Variants in ENOX1 observed in about 807,000 individuals in gnomAD.
The protein encoded by ENOX1 is candidate growth-related and time keeping constitutive hydroquinone (NADH) oxidase.
In ENOX1, 42 loss-of-function variants were observed where a neutral mutation model predicts 82.5. The ratio of observed to expected loss-of-function variants is 0.51; its 90% CI spans 0.40 to 0.66. ENOX1 has a LOEUF of 0.66. Ranked by LOEUF, ENOX1 falls within the 30% of genes least tolerant of loss-of-function variation. The pLI, the probability that ENOX1 is intolerant of heterozygous loss-of-function variation, is 0.00. For synonymous variants in ENOX1, 271 were observed against 282.2 expected, an observed-to-expected ratio of 0.96 and a Z score of 0.40; for missense variants, 608 against 811.6, an observed-to-expected ratio of 0.75 and a Z score of 3.05.
intron 14 of ENOX1, among the ~76,000 whole-genome samples, chr13:43,247,272 C>T (rs1049078533): frequency 6.6e-6 from 1 of 152,162 alleles, no homozygotes; most frequent in Non-Finnish European, 1.5e-5. Flanking sequence ...GAGATCACAC[C>T]ACTGCACTCC....
intron 1 of ENOX1, among the ~76,000 whole-genome samples, chr13:43,702,953 CAAAAAAAAAAA>C (rs60810191): frequency 3.2e-3 from 163 of 51,034 alleles, no homozygotes; most frequent in Non-Finnish European, 3.9e-3. Flanking sequence ...GACTCTGTCT[CAAAAAAAAAAA>C]AAAAAAAAAA....
rs2041276562 is a variant in ENOX1 at position 43,213,442 on chromosome 13, A to G, written c.*548T>C. On this transcript the variant is annotated 3_prime_UTR_variant, in exon 17 of 17. Transcript: ENST00000690772. ...CCTGGAACAGCATATAACTTAATTT[A>G]CAAAATACAATAACTGTTTAGACAC... is the stretch of plus-strand genomic sequence containing the variant. 1 of 151,976 alleles carries G rather than the reference A, an allele frequency of 6.6e-6. No homozygotes were observed. The highest frequency in any genetic ancestry group is 1.5e-5 in the Non-Finnish European group (1 of 68,006). 9.4% of individuals were successfully genotyped at this position (151,976 alleles called of 1,614,324 possible). A position where few individuals can be genotyped will look rare whatever the true frequency, so the allele number is the denominator to read the frequency against.
intron 4 of ENOX1, 72 bp downstream of exon 4, chr13:43,412,773 G>C: frequency 6.3e-7 from 1 of 1,579,940 alleles, no homozygotes; most frequent in South Asian, 1.1e-5. Context: ...TATTTTTCAA[G>C]GTGGGGCAAG....
chr13:43,713,114 T>C (rs2087850229), intron 1 of ENOX1, among the ~76,000 whole-genome samples: 2 of 152,226 alleles, frequency 1.3e-5, no homozygotes, highest in Non-Finnish European at 2.9e-5. Flanking sequence ...TGAGAGTTTT[T>C]AGCATGAAGG....
Position 43,349,258 on chromosome 13 carries a change from C to T in ENOX1, c.824-4508G>A, listed in dbSNP as rs117557368. ...AGGCTTCAGAAGTCATTATCACTGG[C>T]AATGAAAGTTAAGAGTGATGTCAGA... On this transcript the variant is annotated intron_variant, in intron 8 of 16. Transcript: ENST00000690772. Among the ~76,000 whole-genome samples the T allele has an allele frequency of 7.9e-3, 1,209 of 152,254 alleles. 10 individuals are homozygous for T. The highest frequency in any genetic ancestry group is 0.01 in the Non-Finnish European group (689 of 68,018).
chr13:43,747,487 C>T (rs1950087695), intron 1 of ENOX1, among the ~76,000 whole-genome samples: 1 of 152,204 alleles, frequency 6.6e-6, no homozygotes, highest in Non-Finnish European at 1.5e-5. Flanking sequence ...AAGTTTATGT[C>T]TGGACCTGTT....
At chr13:43,318,707 C>T (rs994297993) in intron 11 of ENOX1, among the ~76,000 whole-genome samples, 3 of 152,178 alleles carry the variant, frequency 2.0e-5, no homozygotes, top group South Asian at 2.1e-4. Flanking sequence ...TTATTGATTA[C>T]GTACTTGGGG....
chr13:43,682,620 A>T (rs2085849732), intron 1 of ENOX1, among the ~76,000 whole-genome samples: 1 of 152,184 alleles, frequency 6.6e-6, no homozygotes, highest in Non-Finnish European at 1.5e-5. Flanking sequence ...ATTACAAAAA[A>T]AATTGCAAAA....
intron 2 of ENOX1, among the ~76,000 whole-genome samples, chr13:43,501,587 T>C (rs182796924): frequency 6.6e-6 from 1 of 151,100 alleles, no homozygotes; most frequent in East Asian, 1.9e-4. Context: ...TCAAACACAA[T>C]ATCAATAACA....
chr13:43,263,567 G>A (rs919332792), intron 14 of ENOX1, among the ~76,000 whole-genome samples: 1 of 152,226 alleles, frequency 6.6e-6, no homozygotes, highest in African/African-American at 2.4e-5. Context: ...GCTAGATACT[G>A]TGTTAGGCCT....
intron 2 of ENOX1, among the ~76,000 whole-genome samples, chr13:43,613,205 T>C (rs1409291514): frequency 1.3e-5 from 2 of 152,174 alleles, no homozygotes; most frequent in African/African-American, 4.8e-5. Context: ...TCTTCAAAAG[T>C]TCATCATATT....
At chr13:43,594,367 T>A (rs1341135318) in intron 2 of ENOX1, among the ~76,000 whole-genome samples, 1 of 152,212 alleles carries the variant, frequency 6.6e-6, no homozygotes, top group African/African-American at 2.4e-5. Flanking sequence ...CAAAATAGTA[T>A]CTTCATATAA....
chr13:43,715,914 C>T (rs2088091156), intron 1 of ENOX1, among the ~76,000 whole-genome samples: 1 of 152,030 alleles, frequency 6.6e-6, no homozygotes, highest in African/African-American at 2.4e-5. Context: ...CCATCAGCTC[C>T]TTTAAGGACT....
intron 5 of ENOX1, among the ~76,000 whole-genome samples, chr13:43,380,586 T>TA (rs1168630135): frequency 2.0e-5 from 3 of 151,654 alleles, no homozygotes; most frequent in Non-Finnish European, 4.4e-5. Flanking sequence ...ATAAACAGTC[T>TA]AAATAAATAT....
chr13:43,601,145 T>C (rs1348844737), intron 2 of ENOX1, among the ~76,000 whole-genome samples: 1 of 151,996 alleles, frequency 6.6e-6, no homozygotes, highest in Non-Finnish European at 1.5e-5. Context: ...CCCACAAGCA[T>C]TAAGACCATC....
chr13:43,542,281 A>G (rs1056426287), intron 2 of ENOX1, among the ~76,000 whole-genome samples: 2 of 151,928 alleles, frequency 1.3e-5, no homozygotes, highest in Non-Finnish European at 2.9e-5. Flanking sequence ...CTGGGGCTAC[A>G]GGCACGTGCC....
intron 9 of ENOX1, among the ~76,000 whole-genome samples, chr13:43,338,676 GTTTTTTTT>G (rs71099830): frequency 1.6e-3 from 132 of 81,268 alleles, no homozygotes; most frequent in African/African-American, 4.4e-3. Flanking sequence ...TTCAGGTTGG[GTTTTTTTT>G]TTTTTTTTTT....
intron 1 of ENOX1, among the ~76,000 whole-genome samples, chr13:43,769,648 T>A (rs1951477141): frequency 6.6e-6 from 1 of 152,148 alleles, no homozygotes; most frequent in Non-Finnish European, 1.5e-5. Flanking sequence ...AAATAGTCTA[T>A]CTCTAGGCCA....
At chr13:43,418,078 G>A (rs577555119) in intron 3 of ENOX1, among the ~76,000 whole-genome samples, 5 of 152,160 alleles carry the variant, frequency 3.3e-5, no homozygotes, top group East Asian at 1.9e-4. Context: ...CAATGGTGGC[G>A]CATGCCTGTA....
Sources: allele counts gnomAD v4.1 joint callset (sites outside exome capture counted in the v4.1 genomes callset), GRCh38; gene constraint gnomAD v4.1.1; transcripts MANE v1.5; gene names NCBI Gene and HGNC (gene_info 2026-07-23, HGNC 2026-07-21).